The following MARK4 variants were observed in gnomAD, a reference collection of about 807,000 sequenced individuals.
The protein encoded by MARK4 is MAP/microtubule affinity-regulating kinase 4.
A neutral mutation model predicts 81.5 loss-of-function variants in MARK4; 19 were observed. That is an observed-to-expected ratio of 0.23 (90% CI 0.16 to 0.34). MARK4 has a LOEUF of 0.34. Among genes scored for constraint, MARK4 ranks in the 10% least tolerant of loss-of-function variants. The pLI, the probability that MARK4 is intolerant of heterozygous loss-of-function variation, is 1.00. For missense variants in MARK4, 772 were observed against 1,058.8 expected, an observed-to-expected ratio of 0.73 and a Z score of 3.76; for synonymous variants, 436 against 439.0, an observed-to-expected ratio of 0.99 and a Z score of 0.08.
chr19:45,280,004 G>A (rs745805929), intron 10 of MARK4: 3 of 203,060 alleles, frequency 1.5e-5, no homozygotes, highest in Admixed American at 5.3e-5. Flanking sequence ...TGGGAAGGGA[G>A]GATGGGTACT....
In MARK4 at chr19:45,304,913, G is replaced by C. The variant is rs1428243690; in HGVS notation, c.*2203G>C. 6.6e-6 allele frequency: 1 copy of C among 152,450 alleles called. No individual in the cohort carries two copies. The highest frequency in any genetic ancestry group is 2.1e-4 in the South Asian group (1 of 4,824). The allele number at this position is 152,450 out of a possible 1,614,324, so 9.4% of individuals were successfully genotyped here. On this transcript the variant is annotated 3_prime_UTR_variant, in exon 17 of 17. Coordinates refer to ENST00000262891, the MANE Select transcript of MARK4 (RefSeq NM_001199867.2). ...AGTGTAGAATTGCTGTGAGGTATGG[G>C]GCTAGGGGCGTCAGTAGGGCCTTGA... is the stretch of plus-strand genomic sequence containing the variant.
intron 7 of MARK4, among the ~76,000 whole-genome samples, chr19:45,267,247 G>T (rs183395722): frequency 1.3e-5 from 2 of 152,004 alleles, no homozygotes; most frequent in Admixed American, 6.6e-5. Context: ...TAGTAGAGAC[G>T]GAGTTTCACC....
Position 45,271,670 on chromosome 19 carries a change from G to A in MARK4, c.748G>A (p.Val250Ile), listed in dbSNP as rs750047588. 2.5e-6 allele frequency: 4 copies of A among 1,614,090 alleles called. No homozygotes were observed. The highest frequency in any genetic ancestry group is 1.1e-5 in the South Asian group (1 of 91,086). ...CCTGGGAGTCATCCTGTACACCCTC[G>A]TCAGCGGCTCCCTGCCCTTCGACGG... ...WSLGVILYTL[V>I]SGSLPFDGHN... is the part of the protein sequence containing the mutation. Residue 250 changes from valine (V) to isoleucine (I), a missense_variant, in exon 8 of 17, where the codon GTC becomes ATC. Physicochemically the swap from Val to Ile is conservative, Grantham distance 29. Around this residue, in one of 3 missense-constraint regions of MARK4, gnomAD observed 109 missense variants for 294.7 expected, o/e 0.37. Transcript: ENST00000262891. This position sits in a 1 kb window ranked among gnomAD's most constrained non-coding sequence, Gnocchi z 4.1.
Position 45,302,728 on chromosome 19 carries a change from G to A in MARK4, c.*18G>A. On this transcript the variant is annotated 3_prime_UTR_variant, in exon 17 of 17. Transcript: ENST00000262891. This position sits in a 1 kb window ranked among gnomAD's most constrained non-coding sequence, Gnocchi z 4.9. ...AGCTCTGAGCCACCACGGTCCCAGGGCCCTTACTCTTCCTCTCCCTTGTCG... is the reference window on the plus strand; with the variant it reads ...AGCTCTGAGCCACCACGGTCCCAGGACCCTTACTCTTCCTCTCCCTTGTCG... 6.5e-7 allele frequency: 1 copy of A among 1,535,712 alleles called. No homozygotes were observed. Among genetic ancestry groups the A allele is most frequent in the South Asian group, 1.2e-5 (1 of 84,048 alleles).
intron 1 of MARK4, among the ~76,000 whole-genome samples, chr19:45,252,882 TC>T (rs1293333220): frequency 6.6e-6 from 1 of 151,906 alleles, no homozygotes; most frequent in African/African-American, 2.4e-5. Flanking sequence ...CAAGGACTTC[TC>T]CTAGAAGCCC....
intron 8 of MARK4, among the ~76,000 whole-genome samples, chr19:45,272,837 A>G (rs1970547408): frequency 6.6e-6 from 1 of 152,012 alleles, no homozygotes; most frequent in South Asian, 2.1e-4. Context: ...GCAGTGAGTC[A>G]AGATTGTGCC....
chr19:45,256,150 T>G (rs938177742), intron 1 of MARK4, among the ~76,000 whole-genome samples: 32 of 152,162 alleles, frequency 2.1e-4, no homozygotes, highest in African/African-American at 6.5e-4. Context: ...AAAGACTTGG[T>G]TACCCTGCAG....
intron 2 of MARK4, chr19:45,262,895 G>C (rs1221186839): frequency 1.9e-6 from 1 of 521,508 alleles, no homozygotes; most frequent in East Asian, 3.4e-5. Context: ...CTCCAGAGTA[G>C]CTGGGATTAC....
intron 1 of MARK4, among the ~76,000 whole-genome samples, chr19:45,256,656 C>T (rs182623595): frequency 8.3e-4 from 126 of 152,194 alleles, no homozygotes; most frequent in Non-Finnish European, 1.2e-3. Context: ...TTGAGGTCAG[C>T]GTTGATTGGG....
chr19:45,277,822 GTTGTGTGTGTGTGT>G (rs1568496732), intron 8 of MARK4, 87 bp from the exon 9 acceptor site: 1 of 1,140,780 alleles, frequency 8.8e-7, no homozygotes, highest in African/African-American at 1.9e-5. Flanking sequence ...TGGGACAAAG[GTTGTGTGTGTGTGT>G]GTGTGTGTGT....
chr19:45,251,783 TC>T lies in MARK4; in HGVS notation c.51+146del, dbSNP rs1281009041. On this transcript the variant is annotated intron_variant, in intron 1 of 16. Coordinates refer to ENST00000262891, the MANE Select transcript of MARK4 (RefSeq NM_001199867.2). ...GTCACCTCTCGACCCCTCCCGGACTTCCAGGCCTCTCCACCCTCCCCACCTT... is the reference window on the plus strand; with the variant it reads ...GTCACCTCTCGACCCCTCCCGGACTTCAGGCCTCTCCACCCTCCCCACCTT... 72 of 695,466 alleles carry T rather than the reference TC, an allele frequency of 1.0e-4. No homozygotes were observed. The African/African-American group carries it at 1.2e-3, about 12-fold the overall frequency. 43.1% of individuals were successfully genotyped at this position (695,466 alleles called of 1,614,324 possible).
intron 12 of MARK4, among the ~76,000 whole-genome samples, chr19:45,283,228 C>T (rs749740353): frequency 5.9e-5 from 9 of 151,648 alleles, no homozygotes; most frequent in South Asian, 2.1e-4. Flanking sequence ...GGCAACATGG[C>T]GAAACCCCAT....
chr19:45,255,182 AAC>A (rs1234132282), intron 1 of MARK4, among the ~76,000 whole-genome samples: 1 of 151,716 alleles, frequency 6.6e-6, no homozygotes, highest in African/African-American at 2.4e-5. Context: ...CAGCCTGGGT[AAC>A]AGAGCAAGGC....
rs1443270084 is a variant in MARK4 at position 45,259,069 on chromosome 19, C to T, written c.132C>T (p.Asn44=). ...SSRSLGARCR[N]SIASCPEEQP... is the part of the protein sequence containing the mutation. ...GCTCACTGGGTGCCCGTTGCCGGAA[C>T]TCCATCGCCTCCTGTCCCGAGGAGC... Residue 44 remains asparagine, a synonymous_variant, in exon 2 of 17, where the codon AAC becomes AAT. Coordinates refer to ENST00000262891, the MANE Select transcript of MARK4 (RefSeq NM_001199867.2). 1.9e-6 allele frequency: 3 copies of T among 1,614,112 alleles called. No homozygotes were observed. Among genetic ancestry groups the T allele is most frequent in the Non-Finnish European group, 2.5e-6 (3 of 1,180,048 alleles).
intron 8 of MARK4, among the ~76,000 whole-genome samples, chr19:45,274,996 C>T (rs1022290322): frequency 6.6e-6 from 1 of 152,162 alleles, no homozygotes; most frequent in Non-Finnish European, 1.5e-5. Flanking sequence ...TGTCGTGGCT[C>T]ATGCCTGTAA....
chr19:45,300,353 A>G, intron 16 of MARK4, among the ~76,000 whole-genome samples: 1 of 142,462 alleles, frequency 7.0e-6, no homozygotes, highest in African/African-American at 2.8e-5. Context: ...TGAAAAAAAA[A>G]AAAAAAAAAA....
chr19:45,251,770 C>T (rs1970244970), intron 1 of MARK4, 131 bp downstream of exon 1: 4 of 807,764 alleles, frequency 5.0e-6, no homozygotes, highest in African/African-American at 1.9e-5. Flanking sequence ...CACCTCTCGA[C>T]CCCTCCCGGA....
chr19:45,264,787 C>T (rs774670104), intron 5 of MARK4, 38 bp downstream of exon 5: 37 of 1,613,786 alleles, frequency 2.3e-5, no homozygotes, highest in Non-Finnish European at 3.1e-5. Context: ...CCCTGTGCCA[C>T]CTCCCCCTGC....
At chr19:45,292,524 T>C (rs926750912) in intron 13 of MARK4, among the ~76,000 whole-genome samples, 4 of 152,260 alleles carry the variant, frequency 2.6e-5, no homozygotes, top group South Asian at 2.1e-4. Flanking sequence ...GCTATTGTTA[T>C]TGCTAAACGA....
Sources: gnomAD v4.1 joint callset for allele counts (sites outside exome capture counted in the v4.1 genomes callset) on GRCh38, gnomAD v4.1.1 for gene constraint, gnomAD v4.1.1 regional missense constraint, Gnocchi (gnomAD v3.1) non-coding constraint, MANE v1.5 for transcripts, NCBI Gene and HGNC (gene_info 2026-07-23, HGNC 2026-07-21) for gene names.